Variants in TMEM135 observed in about 807,000 individuals in gnomAD.
The protein encoded by TMEM135 is peroxisomal membrane protein 52.
Under a neutral mutation model 60.3 loss-of-function variants are expected in TMEM135, and 30 were observed. That is an observed-to-expected ratio of 0.50 (90% CI 0.37 to 0.68). The LOEUF (loss-of-function observed/expected upper bound fraction) is 0.68, where lower values mean the gene tolerates loss of function less well. TMEM135 is among the 30% of genes least tolerant of loss of function. The pLI is 0.00. For synonymous variants in TMEM135, 190 were observed against 186.7 expected (o/e 1.02, Z -0.14); for missense variants, 468 against 548.8 (o/e 0.85, Z 1.47).
In TMEM135 at chr11:87,288,786, C is replaced by T. The variant is rs375737744; in HGVS notation, c.510-6996C>T. ...TCAAGATTTTTTTCACTACACCATG[C>T]GTTGCCTCTGAAGAAATACTTTTTT... On this transcript the variant is annotated intron_variant, in intron 6 of 14. Coordinates refer to ENST00000305494, the MANE Select transcript of TMEM135 (RefSeq NM_022918.4). 2.1e-3 allele frequency among the ~76,000 whole-genome samples: 320 copies of T among 152,182 alleles called. 1 individual carries two copies. Among genetic ancestry groups the T allele is most frequent in the African/African-American group, 7.2e-3 (297 of 41,526 alleles).
At chr11:87,038,749 T>A (rs191703859) in intron 1 of TMEM135, among the ~76,000 whole-genome samples, 2 of 151,932 alleles carry the variant, frequency 1.3e-5, no homozygotes, top group East Asian at 3.9e-4. Context: ...CAGAACAGAC[T>A]CCTGGGTTGA....
chr11:87,322,741 TA>T lies in TMEM135; in HGVS notation c.*1411del, dbSNP rs1462364617. On this transcript the variant is annotated 3_prime_UTR_variant, in exon 15 of 15. Transcript: ENST00000305494. ...TCATCAAGCCTTGTATACTTCTGCTTAAATGTAATTCAATCCTTGGTTGTTA... is the reference window on the plus strand; with the variant it reads ...TCATCAAGCCTTGTATACTTCTGCTTAATGTAATTCAATCCTTGGTTGTTA... The T allele has an allele frequency of 2.2e-6, 1 of 454,064 alleles. No individual in the cohort carries two copies. Among genetic ancestry groups the T allele is most frequent in the African/African-American group, 2.0e-5 (1 of 49,996 alleles). The allele number at this position is 454,064 out of a possible 1,614,324, so 28.1% of individuals were successfully genotyped here. A position where few individuals can be genotyped will look rare whatever the true frequency, so the allele number is the denominator to read the frequency against.
chr11:87,125,170 A>G (rs1937689189), intron 4 of TMEM135, among the ~76,000 whole-genome samples: 1 of 152,246 alleles, frequency 6.6e-6, no homozygotes. Flanking sequence ...CAAAGCAACT[A>G]AATTAGGTAT....
chr11:87,143,059 A>T (rs1938309496), intron 4 of TMEM135, among the ~76,000 whole-genome samples: 1 of 151,770 alleles, frequency 6.6e-6, no homozygotes, highest in African/African-American at 2.4e-5. Flanking sequence ...TATCTTCAAG[A>T]TCACTGATTA....
At chr11:87,218,094 G>C (rs1186690343) in intron 5 of TMEM135, among the ~76,000 whole-genome samples, 1 of 152,038 alleles carries the variant, frequency 6.6e-6, no homozygotes. Flanking sequence ...TCATTGGTGG[G>C]GATGGCAGAG....
At chr11:87,132,512 G>A (rs1389100721) in intron 4 of TMEM135, among the ~76,000 whole-genome samples, 1 of 152,034 alleles carries the variant, frequency 6.6e-6, no homozygotes, top group Non-Finnish European at 1.5e-5. Flanking sequence ...ACATGATATT[G>A]GATTCATTGT....
At chr11:87,128,458 C>T (rs1168251104) in intron 4 of TMEM135, among the ~76,000 whole-genome samples, 1 of 152,082 alleles carries the variant, frequency 6.6e-6, no homozygotes. Flanking sequence ...TCTCTTCCTA[C>T]TAAGAGAAGT....
At position 87,300,327 on chromosome 11, in the gene TMEM135, A is replaced by G. The variant is rs147896347; in HGVS notation, c.552-1969A>G. Among the ~76,000 whole-genome samples, 462 of 152,362 alleles carry G rather than the reference A, an allele frequency of 3.0e-3. 4 individuals are homozygous for G. Among genetic ancestry groups the G allele is most frequent in the Non-Finnish European group, 4.8e-3 (329 of 68,034 alleles). On this transcript the variant is annotated intron_variant, in intron 7 of 14. Transcript: ENST00000305494. ...AGTAGAAGTCAAAAGAATAGTGTCA[A>G]GAACACAACCACGGGAGAAAAGCCA...
intron 6 of TMEM135, among the ~76,000 whole-genome samples, chr11:87,272,472 A>G (rs556796171): frequency 2.5e-3 from 375 of 150,286 alleles, no homozygotes; most frequent in Non-Finnish European, 4.1e-3. Context: ...TTTAATTTCT[A>G]TTTTTTGTGA....
chr11:87,271,297 A>AT (rs1444799610), intron 6 of TMEM135, among the ~76,000 whole-genome samples: 2 of 152,176 alleles, frequency 1.3e-5, no homozygotes, highest in African/African-American at 4.8e-5. Context: ...TGTACTATGA[A>AT]TTTTTTTATG....
chr11:87,199,063 A>G (rs1035524964), intron 5 of TMEM135, among the ~76,000 whole-genome samples: 2 of 152,196 alleles, frequency 1.3e-5, no homozygotes, highest in Non-Finnish European at 2.9e-5. Flanking sequence ...CCTAGTACAG[A>G]CACCTTGTAT....
intron 3 of TMEM135, among the ~76,000 whole-genome samples, chr11:87,077,703 G>A (rs1378032231): frequency 1.3e-5 from 2 of 152,152 alleles, no homozygotes; most frequent in African/African-American, 4.8e-5. Flanking sequence ...AACAATTTTA[G>A]AACACTTTAT....
intron 4 of TMEM135, among the ~76,000 whole-genome samples, chr11:87,138,512 A>G (rs542295196): frequency 6.6e-5 from 10 of 152,356 alleles, no homozygotes; most frequent in African/African-American, 2.4e-4. Flanking sequence ...CAATATAATC[A>G]GTAAATAAGC....
At chr11:87,273,658 C>T (rs1941913460) in intron 6 of TMEM135, among the ~76,000 whole-genome samples, 1 of 151,886 alleles carries the variant, frequency 6.6e-6, no homozygotes, top group Non-Finnish European at 1.5e-5. Context: ...GAAACCAGAC[C>T]CAAGGGAAAG....
chr11:87,316,285 T>TGAGA (rs762821907), intron 12 of TMEM135, among the ~76,000 whole-genome samples: 18 of 149,342 alleles, frequency 1.2e-4, no homozygotes, highest in East Asian at 7.9e-4. Context: ...TGTGTGTGTG[T>TGAGA]GAGAGAGAGA....
At chr11:87,313,018 G>GA (rs1942667662) in intron 10 of TMEM135, among the ~76,000 whole-genome samples, 2 of 151,672 alleles carry the variant, frequency 1.3e-5, no homozygotes, top group Middle Eastern at 3.4e-3. Flanking sequence ...TATCTGTCTG[G>GA]AAAAAATCTT....
At chr11:87,211,187 G>T (rs561498340) in intron 5 of TMEM135, among the ~76,000 whole-genome samples, 1 of 152,262 alleles carries the variant, frequency 6.6e-6, no homozygotes, top group South Asian at 2.1e-4. Flanking sequence ...GTAAGGGCTT[G>T]AACTTCAAAG....
At chr11:87,125,590 T>G (rs117851272) in intron 4 of TMEM135, among the ~76,000 whole-genome samples, 40 of 152,300 alleles carry the variant, frequency 2.6e-4, no homozygotes, top group African/African-American at 7.7e-4. Context: ...GTTGGAAAGA[T>G]AGACAAAAGC....
chr11:87,166,689 G>A (rs1224536697), intron 5 of TMEM135, among the ~76,000 whole-genome samples: 2 of 151,718 alleles, frequency 1.3e-5, no homozygotes, highest in Non-Finnish European at 2.9e-5. Context: ...CCAGTACCAT[G>A]CTGTTTTGAT....
Sources: gnomAD v4.1 joint callset for allele counts (sites outside exome capture counted in the v4.1 genomes callset) on GRCh38, gnomAD v4.1.1 for gene constraint, MANE v1.5 for transcripts, NCBI Gene and HGNC (gene_info 2026-07-23, HGNC 2026-07-21) for gene names.